Variants in XYLT1 observed in about 807,000 individuals in gnomAD.
XYLT1 encodes xylosyltransferase 1.
Under a neutral mutation model 91.3 loss-of-function variants are expected in XYLT1, and 36 were observed. That is an observed-to-expected ratio of 0.39 (90% CI 0.30 to 0.52). The LOEUF is 0.52. Among genes scored for constraint, XYLT1 ranks in the 20% least tolerant of loss-of-function variants. The pLI is 0.68. For synonymous variants in XYLT1, 588 were observed against 532.0 expected (o/e 1.11, Z -1.45); for missense variants, 1,242 against 1,284.5 (o/e 0.97, Z 0.51).
At chr16:17,219,280 C>CAAAAAAAAAAAAAAAAAAAAAAAAA (rs369055155) in intron 3 of XYLT1, among the ~76,000 whole-genome samples, 1 of 85,068 alleles carries the variant, frequency 1.2e-5, no homozygotes, top group Non-Finnish European at 2.2e-5. Flanking sequence ...GACTTTGTCT[C>CAAAAAAAAAAAAAAAAAAAAAAAAA]AAAAAAAAAA....
At chr16:17,281,875 G>A (rs1308937445) in intron 2 of XYLT1, among the ~76,000 whole-genome samples, 3 of 152,162 alleles carry the variant, frequency 2.0e-5, no homozygotes, top group African/African-American at 7.2e-5. Context: ...TTATCACATG[G>A]ATGCTGTAGG....
chr16:17,435,605 C>T (rs1018586105), intron 1 of XYLT1, among the ~76,000 whole-genome samples: 1 of 151,942 alleles, frequency 6.6e-6, no homozygotes, highest in African/African-American at 2.4e-5. Context: ...GTAAATGCTT[C>T]CTGATGAGAA....
chr16:17,162,048 C>A (rs139839531), intron 5 of XYLT1, among the ~76,000 whole-genome samples: 14 of 152,218 alleles, frequency 9.2e-5, no homozygotes, highest in Admixed American at 8.5e-4. Context: ...GTGCACCATG[C>A]CCTAGGCCAT....
chr16:17,167,821 G>A lies in XYLT1; in HGVS notation c.1290-8912C>T, dbSNP rs573275983. Among the ~76,000 whole-genome samples, 3 of 151,968 alleles carry A rather than the reference G, an allele frequency of 2.0e-5. No homozygotes were observed. The East Asian group carries it at 5.8e-4, about 29-fold the overall frequency. The stretch of plus-strand genomic sequence containing the variant: ...TAATTCATCCTTCCATCTCATGCAT[G>A]GATTCTAACTCATCCTTCCATCTCG... On this transcript the variant is annotated intron_variant, in intron 5 of 11. Coordinates refer to ENST00000261381, the MANE Select transcript of XYLT1 (RefSeq NM_022166.4).
intron 1 of XYLT1, among the ~76,000 whole-genome samples, chr16:17,410,530 C>A (rs1346283202): frequency 6.6e-6 from 1 of 152,106 alleles, no homozygotes; most frequent in Non-Finnish European, 1.5e-5. Context: ...AGACTCACCC[C>A]CATGATTAAA....
intron 5 of XYLT1, among the ~76,000 whole-genome samples, chr16:17,181,978 A>G (rs1339916285): frequency 6.6e-6 from 1 of 152,096 alleles, no homozygotes; most frequent in Non-Finnish European, 1.5e-5. Context: ...GGTCACATGG[A>G]GCTGCCAGAC....
chr16:17,300,348 G>A (rs1411315418), intron 2 of XYLT1, among the ~76,000 whole-genome samples: 1 of 151,396 alleles, frequency 6.6e-6, no homozygotes, highest in Admixed American at 6.6e-5. Context: ...AATTGCCAAA[G>A]ACTAGAAACC....
chr16:17,419,320 C>T (rs182672707), intron 1 of XYLT1, among the ~76,000 whole-genome samples: 110 of 151,250 alleles, frequency 7.3e-4, no homozygotes, highest in Admixed American at 2.2e-3. Context: ...CCAGCCTGGG[C>T]GACAGAGCAA....
rs946135277 is a variant in XYLT1, at chr16:17,104,895, C to T, written c.*3800G>A. 6.6e-6 allele frequency: 1 copy of T among 152,276 alleles called. No homozygotes were observed. The highest frequency in any genetic ancestry group is 1.5e-5 in the Non-Finnish European group (1 of 68,108). 9.4% of individuals were successfully genotyped at this position (152,276 alleles called of 1,614,324 possible). Reference sequence around the variant, plus strand: ...GCCTCACACCAACCATTTCACGCATCTATGCTAGTATTCTGGGCCCCATAA... The same window carrying T: ...GCCTCACACCAACCATTTCACGCATTTATGCTAGTATTCTGGGCCCCATAA... On this transcript the variant is annotated 3_prime_UTR_variant, in exon 12 of 12. Coordinates refer to ENST00000261381, the MANE Select transcript of XYLT1 (RefSeq NM_022166.4).
intron 2 of XYLT1, among the ~76,000 whole-genome samples, chr16:17,281,090 C>T (rs2034050384): frequency 6.6e-6 from 1 of 152,188 alleles, no homozygotes; most frequent in African/African-American, 2.4e-5. Context: ...CCTCTTTCAG[C>T]TTTGGGTACC....
At chr16:17,268,742 G>A (rs1018176384) in intron 2 of XYLT1, among the ~76,000 whole-genome samples, 8 of 148,750 alleles carry the variant, frequency 5.4e-5, no homozygotes, top group South Asian at 2.1e-4. Context: ...GTGCAATCTC[G>A]GCTCACCGCA....
At chr16:17,380,846 C>T (rs958891529) in intron 1 of XYLT1, among the ~76,000 whole-genome samples, 4 of 152,190 alleles carry the variant, frequency 2.6e-5, no homozygotes, top group Non-Finnish European at 4.4e-5. Context: ...TGACACATTC[C>T]GTGACAGGGA....
At chr16:17,264,959 C>T (rs1214283689) in intron 2 of XYLT1, among the ~76,000 whole-genome samples, 3 of 152,086 alleles carry the variant, frequency 2.0e-5, no homozygotes, top group Non-Finnish European at 4.4e-5. Context: ...GAGGCTGAGG[C>T]GGTCGGATCA....
chr16:17,191,441 G>A (rs934778854), intron 5 of XYLT1, among the ~76,000 whole-genome samples: 5 of 152,132 alleles, frequency 3.3e-5, no homozygotes, highest in Non-Finnish European at 5.9e-5. Context: ...CATTATCAAG[G>A]GCTTGACTTC....
At chr16:17,115,038 G>T (rs1016104083) in intron 11 of XYLT1, among the ~76,000 whole-genome samples, 1 of 152,074 alleles carries the variant, frequency 6.6e-6, no homozygotes, top group East Asian at 1.9e-4. Flanking sequence ...TAGAGACAGG[G>T]TTTCACTGTG....
intron 3 of XYLT1, among the ~76,000 whole-genome samples, chr16:17,256,765 G>C (rs1387720291): frequency 6.6e-6 from 1 of 152,190 alleles, no homozygotes; most frequent in African/African-American, 2.4e-5. Context: ...CAAGAGAGTT[G>C]GGTGAATTGA....
intron 2 of XYLT1, among the ~76,000 whole-genome samples, chr16:17,341,039 C>T (rs1186089809): frequency 6.6e-6 from 1 of 152,132 alleles, no homozygotes; most frequent in African/African-American, 2.4e-5. Flanking sequence ...AAACAGGAAA[C>T]CACGTAAGGC....
At chr16:17,115,247 T>G (rs1597128420) in intron 11 of XYLT1, among the ~76,000 whole-genome samples, 1 of 140,948 alleles carries the variant, frequency 7.1e-6, no homozygotes, top group South Asian at 2.2e-4. Context: ...GGTGGGAGGG[T>G]TGGTTTAGAT....
intron 10 of XYLT1, among the ~76,000 whole-genome samples, chr16:17,126,798 C>T (rs1265862870): frequency 6.6e-6 from 1 of 152,158 alleles, no homozygotes; most frequent in East Asian, 1.9e-4. Flanking sequence ...CCCTTCCTTC[C>T]TGCACCACGA....
Sources: allele counts gnomAD v4.1 joint callset (sites outside exome capture counted in the v4.1 genomes callset), GRCh38; gene constraint gnomAD v4.1.1; transcripts MANE v1.5; gene names NCBI Gene and HGNC (gene_info 2026-07-23, HGNC 2026-07-21).